The following RAP1GAP2 variants were observed in gnomAD, a reference collection of about 807,000 sequenced individuals.
RAP1GAP2 encodes RAP1 GTPase activating protein 2.
In RAP1GAP2, 27 loss-of-function variants were observed where a neutral mutation model predicts 95.0. The observed-to-expected ratio is 0.28, with a 90% confidence interval of 0.21 to 0.39. The LOEUF (loss-of-function observed/expected upper bound fraction) is 0.39, where lower values mean the gene tolerates loss of function less well. RAP1GAP2 is among the 10% of genes least tolerant of loss of function. The probability of loss-of-function intolerance (pLI) is 1.00; values close to 1 mark genes in which losing one functional copy is unlikely to be tolerated. For missense variants in RAP1GAP2, 771 were observed against 970.0 expected, an observed-to-expected ratio of 0.79 and a Z score of 2.72; for synonymous variants, 373 against 380.9, an observed-to-expected ratio of 0.98 and a Z score of 0.24.
chr17:3,025,574 C>T (rs1017377341), intron 19 of RAP1GAP2, among the ~76,000 whole-genome samples: 2 of 152,198 alleles, frequency 1.3e-5, no homozygotes, highest in Non-Finnish European at 2.9e-5. Flanking sequence ...GAAGGATGGC[C>T]CCCCGGGACT....
intron 8 of RAP1GAP2, among the ~76,000 whole-genome samples, chr17:2,974,063 C>CG: frequency 6.6e-6 from 1 of 151,754 alleles, no homozygotes; most frequent in East Asian, 1.9e-4. Flanking sequence ...AAGAAGGGGC[C>CG]GGGCGTGGTG....
chr17:2,859,209 C>T (rs1034573601), intron 2 of RAP1GAP2, among the ~76,000 whole-genome samples: 1 of 147,752 alleles, frequency 6.8e-6, no homozygotes, highest in African/African-American at 2.5e-5. Context: ...CTCCTGGTTT[C>T]AAGCCATTCT....
rs2046283449 is a variant in RAP1GAP2, at chr17:3,004,820, T to A, written c.1201-549T>A. Reference sequence around the variant, plus strand: ...GAGCCCATGAACCCAGTCTGTATTTTTAAACACCTGAAGCAATTTTGAAGC... The same window carrying A: ...GAGCCCATGAACCCAGTCTGTATTTATAAACACCTGAAGCAATTTTGAAGC... On this transcript the variant is annotated intron_variant, in intron 14 of 24. Coordinates refer to ENST00000254695, the MANE Select transcript of RAP1GAP2 (RefSeq NM_015085.5). The surrounding 1 kb of genome is among the most constrained non-coding windows in gnomAD (Gnocchi z 4.1). Among the ~76,000 whole-genome samples the A allele has an allele frequency of 6.6e-6, 1 of 152,254 alleles. No individual in the cohort carries two copies. The highest frequency in any genetic ancestry group is 6.5e-5 in the Admixed American group (1 of 15,286).
At chr17:2,756,157 C>A (rs941657201) in intron 1 of RAP1GAP2, among the ~76,000 whole-genome samples, 1 of 152,262 alleles carries the variant, frequency 6.6e-6, no homozygotes, top group African/African-American at 2.4e-5. Context: ...TTCTGCCACC[C>A]GGGGCAGGGC....
At chr17:3,002,248 A>G (rs1019622705) in intron 14 of RAP1GAP2, among the ~76,000 whole-genome samples, 10 of 152,202 alleles carry the variant, frequency 6.6e-5, no homozygotes, top group African/African-American at 2.4e-4. Flanking sequence ...GGCGTGAACC[A>G]TCATGCCTGG....
intron 18 of RAP1GAP2, among the ~76,000 whole-genome samples, chr17:3,019,757 G>A (rs1482556506): frequency 2.0e-5 from 3 of 152,198 alleles, no homozygotes; most frequent in Non-Finnish European, 4.4e-5. Context: ...GACTCAGGTC[G>A]GGTCTCATTG....
intron 2 of RAP1GAP2, among the ~76,000 whole-genome samples, chr17:2,890,391 A>G (rs1467746611): frequency 6.6e-6 from 1 of 152,200 alleles, no homozygotes; most frequent in African/African-American, 2.4e-5. Flanking sequence ...TATGTCACCA[A>G]GTAATCTTAT....
At chr17:2,873,919 C>T (rs971116633) in intron 2 of RAP1GAP2, among the ~76,000 whole-genome samples, 7 of 151,792 alleles carry the variant, frequency 4.6e-5, no homozygotes, top group East Asian at 1.9e-4. Flanking sequence ...TGCGCCACCA[C>T]GCCTGGCTAA....
intron 2 of RAP1GAP2, among the ~76,000 whole-genome samples, chr17:2,841,074 G>C (rs977106497): frequency 2.6e-5 from 4 of 151,772 alleles, no homozygotes; most frequent in Admixed American, 2.6e-4. Context: ...AGAATCGCTC[G>C]AACCTGGGAG....
At chr17:2,812,637 C>G (rs2069821082) in intron 2 of RAP1GAP2, among the ~76,000 whole-genome samples, 1 of 152,034 alleles carries the variant, frequency 6.6e-6, no homozygotes, top group Non-Finnish European at 1.5e-5. Context: ...CTTCCCTCCC[C>G]CAGGACGGTG....
chr17:2,904,530 C>CTTTGTG lies in RAP1GAP2; in HGVS notation c.81-753_81-752insTTGTGT, dbSNP rs1555565310. 5.4e-5 allele frequency among the ~76,000 whole-genome samples: 7 copies of CTTTGTG among 129,082 alleles called. No individual in the cohort carries two copies. Among genetic ancestry groups the CTTTGTG allele is most frequent in the Admixed American group, 1.6e-4 (2 of 12,674 alleles). 84.7% of individuals were successfully genotyped at this position (129,082 alleles called of 152,430 possible). A position where few individuals can be genotyped will look rare whatever the true frequency, so the allele number is the denominator to read the frequency against. ...CCGAGGACAGCTTTTTGACCAGGGC[C>CTTTGTG]TGTGTGTGTGTGTGTGTGTGTGTGT... is the stretch of plus-strand genomic sequence containing the variant. On this transcript the variant is annotated intron_variant, in intron 2 of 24. Coordinates refer to ENST00000254695, the MANE Select transcript of RAP1GAP2 (RefSeq NM_015085.5). The surrounding 1 kb of genome is among the most constrained non-coding windows in gnomAD (Gnocchi z 4.7).
At chr17:3,011,009 C>T (rs2046518158) in intron 17 of RAP1GAP2, among the ~76,000 whole-genome samples, 1 of 152,110 alleles carries the variant, frequency 6.6e-6, no homozygotes, top group African/African-American at 2.4e-5. Flanking sequence ...TCACTGCAAC[C>T]TCTGCCTCCC....
At position 2,903,585 on chromosome 17, in the gene RAP1GAP2, C is replaced by T. The variant is rs1038842465; in HGVS notation, c.81-1699C>T. On this transcript the variant is annotated intron_variant, in intron 2 of 24. Coordinates refer to ENST00000254695, the MANE Select transcript of RAP1GAP2 (RefSeq NM_015085.5). The surrounding 1 kb of genome is among the most constrained non-coding windows in gnomAD (Gnocchi z 4.1). ...CCTGGATCAGGCGGGAGAGTCCCCC[C>T]TCTCCAGCCATCAAAACTTACATCA... is the stretch of plus-strand genomic sequence containing the variant. Among the ~76,000 whole-genome samples, 68 of 152,202 alleles carry T rather than the reference C, an allele frequency of 4.5e-4. 1 individual carries two copies. The highest frequency in any genetic ancestry group is 8.8e-5 in the Non-Finnish European group (6 of 68,038).
intron 2 of RAP1GAP2, among the ~76,000 whole-genome samples, chr17:2,851,565 C>T: frequency 6.6e-6 from 1 of 152,088 alleles, no homozygotes; most frequent in South Asian, 2.1e-4. Flanking sequence ...AAAATTCTAC[C>T]TCTTAGAGAC....
chr17:2,777,944 A>AGGAGGCTG (rs1296195306), intron 1 of RAP1GAP2, among the ~76,000 whole-genome samples: 5 of 115,702 alleles, frequency 4.3e-5, no homozygotes, highest in Admixed American at 9.2e-5. Context: ...CACAGCTGCC[A>AGGAGGCTG]GGAGGCTGGG....
At chr17:2,971,576 T>TA (rs1168168395) in intron 8 of RAP1GAP2, among the ~76,000 whole-genome samples, 2 of 152,038 alleles carry the variant, frequency 1.3e-5, no homozygotes, top group African/African-American at 4.8e-5. Flanking sequence ...TTTACAAAAA[T>TA]AAAAATAATA....
chr17:2,823,642 TCA>T (rs2082103566), intron 2 of RAP1GAP2, among the ~76,000 whole-genome samples: 2 of 152,238 alleles, frequency 1.3e-5, no homozygotes, highest in Admixed American at 6.5e-5. Flanking sequence ...AACCCACAGC[TCA>T]CACACACATC....
At chr17:3,026,215 T>C (rs1290700336) in intron 20 of RAP1GAP2, 94 bp downstream of exon 20, 3 of 1,309,670 alleles carry the variant, frequency 2.3e-6, no homozygotes, top group Admixed American at 2.0e-5. Context: ...GGCCATCTCC[T>C]GCCTCTGGAA....
At chr17:2,767,082 G>A (rs1287031898) in intron 1 of RAP1GAP2, among the ~76,000 whole-genome samples, 3 of 151,820 alleles carry the variant, frequency 2.0e-5, no homozygotes, top group African/African-American at 7.3e-5. Context: ...TGGAATTGGT[G>A]GCCAGGCGTG....
Sources: gnomAD v4.1 joint callset for allele counts (sites outside exome capture counted in the v4.1 genomes callset) on GRCh38, gnomAD v4.1.1 for gene constraint, Gnocchi (gnomAD v3.1) non-coding constraint, MANE v1.5 for transcripts, NCBI Gene and HGNC (gene_info 2026-07-23, HGNC 2026-07-21) for gene names.